PKIB: variants seen among roughly 807,000 people sequenced by gnomAD.
PKIB encodes PKI-beta.
A neutral mutation model predicts 4.5 loss-of-function variants in PKIB; 2 were observed. That is an observed-to-expected ratio of 0.44 (90% confidence interval 0.18 to 1.39). The LOEUF is 1.39. Ranked by LOEUF, PKIB falls within the 40% of genes most tolerant of loss-of-function variation. The pLI, the probability that PKIB is intolerant of heterozygous loss-of-function variation, is 0.27. For missense variants in PKIB, 94 were observed against 92.6 expected, an observed-to-expected ratio of 1.02 and a Z score of -0.06; for synonymous variants, 38 against 36.0, an observed-to-expected ratio of 1.06 and a Z score of -0.20.
At chr6:122,495,693 C>G (rs757219060) in intron 2 of PKIB, among the ~76,000 whole-genome samples, 124 of 152,182 alleles carry the variant, frequency 8.1e-4, no homozygotes, top group Non-Finnish European at 2.9e-4. Context: ...TACCACCACA[C>G]AACTCACTTG....
At chr6:122,524,619 A>G (rs1165200210) in intron 2 of PKIB, among the ~76,000 whole-genome samples, 1 of 151,994 alleles carries the variant, frequency 6.6e-6, no homozygotes, top group Non-Finnish European at 1.5e-5. Context: ...GCTTCTCTTT[A>G]TTAGGAGGTT....
chr6:122,536,901 CTTTTTT>C (rs532464253), intron 2 of PKIB, among the ~76,000 whole-genome samples: 1 of 138,898 alleles, frequency 7.2e-6, no homozygotes, highest in Non-Finnish European at 1.6e-5. Context: ...TCCTTTCTGT[CTTTTTT>C]TTTTTTTTAA....
intron 2 of PKIB, chr6:122,531,184 ATATG>A (rs1777245586): frequency 2.0e-5 from 3 of 152,188 alleles, no homozygotes; most frequent in African/African-American, 7.2e-5. Context: ...ACAAAAGAAA[ATATG>A]TATGTGAAAT....
intron 2 of PKIB, among the ~76,000 whole-genome samples, chr6:122,667,287 C>G (rs570343944): frequency 4.6e-5 from 7 of 152,268 alleles, no homozygotes; most frequent in African/African-American, 1.7e-4. Flanking sequence ...GGCCAGGCGC[C>G]GTGGCTCACG....
At chr6:122,572,820 T>A (rs1773411109) in intron 2 of PKIB, among the ~76,000 whole-genome samples, 1 of 151,672 alleles carries the variant, frequency 6.6e-6, no homozygotes, top group South Asian at 2.1e-4. Context: ...AATAAAAAAA[T>A]AACATTCAAG....
chr6:122,557,476 C>T (rs914265735), intron 2 of PKIB, among the ~76,000 whole-genome samples: 3 of 152,056 alleles, frequency 2.0e-5, no homozygotes, highest in African/African-American at 7.2e-5. Context: ...AATCTTTTTC[C>T]CTGTAAGATT....
intron 1 of PKIB, among the ~76,000 whole-genome samples, chr6:122,632,961 A>C (rs1475642535): frequency 6.6e-6 from 1 of 152,230 alleles, no homozygotes; most frequent in Admixed American, 6.5e-5. Flanking sequence ...TTTAGAGCAA[A>C]ACATGAGAAA....
chr6:122,495,472 G>T (rs1776051608), intron 2 of PKIB, among the ~76,000 whole-genome samples: 1 of 152,002 alleles, frequency 6.6e-6, no homozygotes, highest in Admixed American at 6.6e-5. Context: ...TTTGGTTGGT[G>T]ATCTGGGGAC....
chr6:122,564,392 G>A (rs1027419227), intron 2 of PKIB, among the ~76,000 whole-genome samples: 5 of 152,124 alleles, frequency 3.3e-5, no homozygotes, highest in Non-Finnish European at 7.4e-5. Context: ...TCTCTAAAAA[G>A]TACAAAGCAC....
At chr6:122,542,632 G>A (rs1777641186) in intron 2 of PKIB, among the ~76,000 whole-genome samples, 1 of 152,070 alleles carries the variant, frequency 6.6e-6, no homozygotes, top group African/African-American at 2.4e-5. Context: ...CCCCTACTGG[G>A]GGGTGCCTCC....
intron 2 of PKIB, among the ~76,000 whole-genome samples, chr6:122,539,819 T>G (rs890138580): frequency 6.6e-6 from 1 of 152,068 alleles, no homozygotes; most frequent in East Asian, 1.9e-4. Flanking sequence ...CCTGGACTTT[T>G]TTTGGTTCGT....
chr6:122,720,266 C>T (rs1779686258), intron 4 of PKIB, among the ~76,000 whole-genome samples: 2 of 151,778 alleles, frequency 1.3e-5, no homozygotes, highest in South Asian at 4.2e-4. Flanking sequence ...TGAAATTAAC[C>T]TGAGATTTGC....
intron 2 of PKIB, among the ~76,000 whole-genome samples, chr6:122,540,030 C>T (rs1277158651): frequency 6.6e-6 from 1 of 151,732 alleles, no homozygotes; most frequent in African/African-American, 2.4e-5. Context: ...GGTGATATCC[C>T]CTTTATCATT....
At chr6:122,496,778 C>G (rs1020511699) in intron 2 of PKIB, among the ~76,000 whole-genome samples, 1 of 151,980 alleles carries the variant, frequency 6.6e-6, no homozygotes, top group African/African-American at 2.4e-5. Flanking sequence ...GATAAGGATA[C>G]AAAGTAAACC....
At chr6:122,680,266 C>T (rs1777846143) in intron 3 of PKIB, among the ~76,000 whole-genome samples, 1 of 152,136 alleles carries the variant, frequency 6.6e-6, no homozygotes, top group Non-Finnish European at 1.5e-5. Context: ...TATGGATTGC[C>T]ATATAGAAAT....
At chr6:122,512,722 A>G (rs1464277318) in intron 2 of PKIB, among the ~76,000 whole-genome samples, 1 of 152,134 alleles carries the variant, frequency 6.6e-6, no homozygotes, top group Non-Finnish European at 1.5e-5. Flanking sequence ...TGTTTTTCTT[A>G]TAGTAGAAAA....
intron 2 of PKIB, among the ~76,000 whole-genome samples, chr6:122,674,201 G>A (rs1162112421): frequency 1.3e-5 from 2 of 152,086 alleles, no homozygotes; most frequent in Non-Finnish European, 2.9e-5. Flanking sequence ...GTAGGTGATA[G>A]GCAAACTAAT....
chr6:122,632,425 T>C (rs529366806), intron 1 of PKIB, among the ~76,000 whole-genome samples: 2 of 152,184 alleles, frequency 1.3e-5, no homozygotes, highest in Non-Finnish European at 2.9e-5. Flanking sequence ...TGCTCAAATA[T>C]GTAGACTGCC....
chr6:122,635,547 TA>T (rs79870623), intron 2 of PKIB, among the ~76,000 whole-genome samples: 1,502 of 83,672 alleles, frequency 0.018, 33 homozygotes, highest in African/African-American at 0.05. Context: ...ACCAAAAAAG[TA>T]AAAAAAAAAA....
Sources: gnomAD v4.1 joint callset for allele counts (sites outside exome capture counted in the v4.1 genomes callset) on GRCh38, gnomAD v4.1.1 for gene constraint, MANE v1.5 for transcripts, NCBI Gene and HGNC (gene_info 2026-07-23, HGNC 2026-07-21) for gene names.